Variants in TTLL5 observed in about 807,000 individuals in gnomAD.
The protein encoded by TTLL5 is tubulin tyrosine ligase like 5, also known as tubulin polyglutamylase TTLL5.
Under a neutral mutation model 168.4 loss-of-function variants are expected in TTLL5, and 132 were observed. The observed-to-expected ratio is 0.78, with a 90% confidence interval of 0.68 to 0.91. The LOEUF (loss-of-function observed/expected upper bound fraction) is 0.91, where lower values mean the gene tolerates loss of function less well. TTLL5 is among the 40% of genes least tolerant of loss of function. TTLL5 has a pLI of 0.00. For missense variants in TTLL5, 1,545 were observed against 1,581.5 expected (o/e 0.98, Z 0.39); for synonymous variants, 546 against 558.6 (o/e 0.98, Z 0.32).
At chr14:75,747,671 T>C (rs1889695831) in intron 17 of TTLL5, among the ~76,000 whole-genome samples, 1 of 151,992 alleles carries the variant, frequency 6.6e-6, no homozygotes, top group South Asian at 2.1e-4. Flanking sequence ...CACTAAAGAG[T>C]CTTTTGAGGT....
chr14:75,674,529 A>G (rs1041269258), intron 3 of TTLL5, among the ~76,000 whole-genome samples: 2 of 152,154 alleles, frequency 1.3e-5, no homozygotes, highest in African/African-American at 4.8e-5. Context: ...TTTTGGTACA[A>G]TATGATTTCT....
intron 28 of TTLL5, among the ~76,000 whole-genome samples, chr14:75,831,877 G>T (rs978135998): frequency 6.6e-6 from 1 of 152,202 alleles, no homozygotes; most frequent in East Asian, 1.9e-4. Flanking sequence ...TTGGCTTTTG[G>T]CTTTTGCTTT....
chr14:75,858,081 A>C (rs1268292476), intron 28 of TTLL5, among the ~76,000 whole-genome samples: 1 of 152,228 alleles, frequency 6.6e-6, no homozygotes, highest in Non-Finnish European at 1.5e-5. Context: ...TGATTCTCAA[A>C]GTGCTATTAT....
intron 3 of TTLL5, among the ~76,000 whole-genome samples, chr14:75,678,396 A>G (rs77125735): frequency 6.6e-6 from 1 of 152,236 alleles, no homozygotes; most frequent in South Asian, 2.1e-4. Flanking sequence ...TATAAGCACA[A>G]TAATGTGTCA....
At chr14:75,704,500 T>C (rs1296966548) in intron 7 of TTLL5, among the ~76,000 whole-genome samples, 2 of 152,132 alleles carry the variant, frequency 1.3e-5, no homozygotes, top group African/African-American at 4.8e-5. Context: ...AATAACACCA[T>C]TGGACTCCAG....
intron 26 of TTLL5, among the ~76,000 whole-genome samples, chr14:75,786,036 TAGCC>T (rs929500720): frequency 1.3e-5 from 2 of 152,216 alleles, no homozygotes; most frequent in African/African-American, 4.8e-5. Flanking sequence ...GTTTTATAAA[TAGCC>T]AGTCTATATT....
At chr14:75,705,043 T>C (rs1886555007) in intron 7 of TTLL5, among the ~76,000 whole-genome samples, 1 of 152,218 alleles carries the variant, frequency 6.6e-6, no homozygotes. Flanking sequence ...GATTGTTTGA[T>C]TTTACGTTTA....
rs138851666 is a variant in TTLL5, at chr14:75,850,717, T to A, written c.3327-12950T>A. Among the ~76,000 whole-genome samples, 638 of 152,192 alleles carry A rather than the reference T, an allele frequency of 4.2e-3. 4 individuals are homozygous for A. Among genetic ancestry groups the A allele is most frequent in the African/African-American group, 0.015 (617 of 41,542 alleles). ...AGAATAATGAATCTAATTCATGGAA[T>A]TTAATAGGGAAAAACATAAAGCCTT... On this transcript the variant is annotated intron_variant, in intron 28 of 31. Transcript: ENST00000298832.
intron 29 of TTLL5, among the ~76,000 whole-genome samples, chr14:75,873,560 C>A (rs535199581): frequency 6.6e-6 from 1 of 152,152 alleles, no homozygotes; most frequent in Admixed American, 6.5e-5. Context: ...GATTCATCCA[C>A]GTTGTAGCGT....
intron 28 of TTLL5, among the ~76,000 whole-genome samples, chr14:75,832,652 G>C (rs74911859): frequency 0.015 from 2,220 of 152,124 alleles, 18 homozygotes; most frequent in South Asian, 0.026. Flanking sequence ...CACATGATTG[G>C]GTCTTTTCAG....
At chr14:75,694,337 G>A (rs73309489) in intron 6 of TTLL5, among the ~76,000 whole-genome samples, 1 of 152,120 alleles carries the variant, frequency 6.6e-6, no homozygotes, top group Non-Finnish European at 1.5e-5. Context: ...ACCAGAAGAA[G>A]CATTAACTTC....
intron 2 of TTLL5, among the ~76,000 whole-genome samples, chr14:75,667,785 G>A (rs890253661): frequency 3.3e-5 from 4 of 121,680 alleles, no homozygotes; most frequent in African/African-American, 9.0e-5. Context: ...TTATTGAGAC[G>A]GAGTCTTGCT....
chr14:75,773,965 G>T (rs10148924), intron 21 of TTLL5, among the ~76,000 whole-genome samples: 7 of 49,204 alleles, frequency 1.4e-4, no homozygotes, highest in Non-Finnish European at 1.4e-4. Flanking sequence ...GAAAGAGAGA[G>T]AGAGAGAGAG....
At chr14:75,818,352 T>G (rs1330230585) in intron 27 of TTLL5, among the ~76,000 whole-genome samples, 1 of 152,092 alleles carries the variant, frequency 6.6e-6, no homozygotes, top group Non-Finnish European at 1.5e-5. Flanking sequence ...AGGAATGTCT[T>G]TTCACTTGTG....
rs1281804721 is a variant in TTLL5 at position 75,776,806 on chromosome 14, T to TGG, written c.2346_2347dup (p.Val783GlyfsTer2). The TGG allele has an allele frequency of 6.2e-7, 1 of 1,613,970 alleles. No individual in the cohort carries two copies. Reference sequence around the variant, plus strand: ...AGAAAGTTGAGGAAGAAGAGGAAGATGGGGTGAATATGGAAAACTTTCAGG... The same window carrying TGG: ...AGAAAGTTGAGGAAGAAGAGGAAGATGGGGGGTGAATATGGAAAACTTTCAGG... On this transcript the variant is annotated frameshift_variant, in exon 23 of 32. Transcript: ENST00000298832. LOFTEE classifies it high-confidence loss of function.
At chr14:75,899,080 A>G (rs1476127634) in intron 30 of TTLL5, among the ~76,000 whole-genome samples, 1 of 152,230 alleles carries the variant, frequency 6.6e-6, no homozygotes, top group Non-Finnish European at 1.5e-5. Context: ...AAAAAATGAC[A>G]ATACTACTAC....
intron 20 of TTLL5, among the ~76,000 whole-genome samples, chr14:75,771,012 T>C (rs745793956): frequency 1.3e-5 from 2 of 152,278 alleles, no homozygotes; most frequent in African/African-American, 2.4e-5. Context: ...TTTGCTTTTG[T>C]ACTAACTGAT....
chr14:75,808,765 A>C (rs1322755905), intron 27 of TTLL5, among the ~76,000 whole-genome samples: 2 of 152,050 alleles, frequency 1.3e-5, no homozygotes, highest in Non-Finnish European at 2.9e-5. Flanking sequence ...TGTTCAATTG[A>C]TCCAGTCATA....
At chr14:75,807,760 T>C (rs948693747) in intron 27 of TTLL5, among the ~76,000 whole-genome samples, 2 of 152,202 alleles carry the variant, frequency 1.3e-5, no homozygotes, top group Non-Finnish European at 2.9e-5. Context: ...AAACCTCTCA[T>C]TAGACGAAAG....
Sources: allele counts gnomAD v4.1 joint callset (sites outside exome capture counted in the v4.1 genomes callset), GRCh38; gene constraint gnomAD v4.1.1; transcripts MANE v1.5; gene names NCBI Gene and HGNC (gene_info 2026-07-23, HGNC 2026-07-21).